Variants in LRBA observed in about 807,000 individuals in gnomAD.
LRBA encodes lipopolysaccharide-responsive and beige-like anchor protein.
In LRBA, 176 loss-of-function variants were observed where a neutral mutation model predicts 330.0. The ratio of observed to expected loss-of-function variants is 0.53; its 90% CI spans 0.47 to 0.60. LRBA has a LOEUF of 0.60. Among genes scored for constraint, LRBA ranks in the 20% least tolerant of loss-of-function variants. The probability of loss-of-function intolerance (pLI) is 0.00; values close to 1 mark genes in which losing one functional copy is unlikely to be tolerated. For missense variants in LRBA, 3,259 were observed against 3,444.8 expected (o/e 0.95, Z 1.35); for synonymous variants, 1,230 against 1,193.0 (o/e 1.03, Z -0.64).
chr4:150,448,375 A>C (rs1752870096), intron 44 of LRBA, among the ~76,000 whole-genome samples: 1 of 152,248 alleles, frequency 6.6e-6, no homozygotes. Context: ...TTTTTGTACT[A>C]ATCAGAGAGC....
chr4:150,780,631 GTATATATATATATA>G (rs201026564), intron 34 of LRBA, among the ~76,000 whole-genome samples: 4 of 136,944 alleles, frequency 2.9e-5, no homozygotes, highest in Non-Finnish European at 6.4e-5. Context: ...ATATATACAC[GTATATATATATATA>G]TGTGTATATA....
chr4:150,829,584 TTG>T (rs1746850109), intron 29 of LRBA, among the ~76,000 whole-genome samples: 1 of 152,188 alleles, frequency 6.6e-6, no homozygotes, highest in South Asian at 2.1e-4. Flanking sequence ...CATTCTCTTT[TTG>T]TTTTCCTTGT....
intron 9 of LRBA, among the ~76,000 whole-genome samples, chr4:150,909,331 T>G (rs756211431): frequency 6.6e-6 from 1 of 152,214 alleles, no homozygotes; most frequent in Non-Finnish European, 1.5e-5. Flanking sequence ...TCTGTTTCTA[T>G]GAGTTGGACT....
chr4:150,984,280 A>G lies in LRBA; in HGVS notation c.216+30147T>C, dbSNP rs566491103. On this transcript the variant is annotated intron_variant, in intron 2 of 56. Coordinates refer to ENST00000651943, the MANE Select transcript of LRBA (RefSeq NM_001364905.1). ...GTAATCCCAGCACTTTGGGAGGCCA[A>G]GGCGGGCGGATCACCTGAGGTCAGG... Among the ~76,000 whole-genome samples, 15 of 152,148 alleles carry G rather than the reference A, an allele frequency of 9.9e-5. No individual in the cohort carries two copies. In the East Asian group the frequency reaches 2.7e-3, roughly 28 times the overall value.
chr4:150,441,716 C>T (rs1324324976), intron 44 of LRBA, among the ~76,000 whole-genome samples: 1 of 151,934 alleles, frequency 6.6e-6, no homozygotes, highest in South Asian at 2.1e-4. Flanking sequence ...TAACCTAGCT[C>T]GAAATCAACA....
At chr4:151,003,554 G>C (rs1359475741) in intron 2 of LRBA, among the ~76,000 whole-genome samples, 1 of 151,992 alleles carries the variant, frequency 6.6e-6, no homozygotes, top group Non-Finnish European at 1.5e-5. Flanking sequence ...CATGGTACTG[G>C]CCTAAAAACA....
intron 29 of LRBA, among the ~76,000 whole-genome samples, chr4:150,829,512 C>G (rs1018621533): frequency 3.3e-5 from 5 of 152,210 alleles, no homozygotes; most frequent in Non-Finnish European, 2.9e-5. Context: ...CTTCACATAA[C>G]AGCAACAGCT....
intron 44 of LRBA, among the ~76,000 whole-genome samples, chr4:150,457,426 C>G (rs976163707): frequency 2.0e-5 from 3 of 151,816 alleles, no homozygotes; most frequent in Admixed American, 1.3e-4. Context: ...ATTATTTGAA[C>G]AAACACATTG....
chr4:150,953,615 G>A (rs144266126), intron 2 of LRBA, among the ~76,000 whole-genome samples: 14 of 152,150 alleles, frequency 9.2e-5, no homozygotes, highest in East Asian at 5.8e-4. Flanking sequence ...CTGCCAGCCC[G>A]GGCCTCCCGA....
At chr4:150,549,252 T>C (rs1380116868) in intron 40 of LRBA, among the ~76,000 whole-genome samples, 2 of 152,020 alleles carry the variant, frequency 1.3e-5, no homozygotes, top group Admixed American at 6.5e-5. Context: ...TCGTACTGAT[T>C]TCTATTTGTA....
chr4:150,817,265 AAAG>A lies in LRBA; in HGVS notation c.5172-11_5172-9del. 1 of 1,610,682 alleles carries A rather than the reference AAAG, an allele frequency of 6.2e-7. No individual in the cohort carries two copies. ...GCTGCAACAATGACACTTCTGTAAT[AAAG>A]AAAGTAAACAGACTGAAAGATACAA... On this transcript the variant is annotated splice_polypyrimidine_tract_variant and intron_variant, in intron 30 of 56. Coordinates refer to ENST00000651943, the MANE Select transcript of LRBA (RefSeq NM_001364905.1).
intron 35 of LRBA, among the ~76,000 whole-genome samples, chr4:150,746,633 C>A (rs1187971071): frequency 6.6e-6 from 1 of 151,610 alleles, no homozygotes; most frequent in Non-Finnish European, 1.5e-5. Context: ...GCCTCAGCCT[C>A]CAGAGTAGCT....
chr4:151,004,124 G>A (rs1343715195), intron 2 of LRBA, among the ~76,000 whole-genome samples: 2 of 152,012 alleles, frequency 1.3e-5, no homozygotes, highest in African/African-American at 2.4e-5. Context: ...TCGCCATGCT[G>A]CCCAACTGGG....
intron 2 of LRBA, among the ~76,000 whole-genome samples, chr4:150,997,646 T>C (rs1482303001): frequency 6.6e-6 from 1 of 152,028 alleles, no homozygotes; most frequent in Non-Finnish European, 1.5e-5. Context: ...TGTGTAGCGG[T>C]TGGGGAAAAA....
chr4:150,865,042 T>C (rs764579843), intron 22 of LRBA, among the ~76,000 whole-genome samples: 17 of 152,306 alleles, frequency 1.1e-4, no homozygotes, highest in South Asian at 1.0e-3. Context: ...TGAACTGACA[T>C]AGATCTGTTA....
chr4:150,270,314 A>G (rs1745895912), intron 56 of LRBA, among the ~76,000 whole-genome samples: 1 of 152,160 alleles, frequency 6.6e-6, no homozygotes, highest in Non-Finnish European at 1.5e-5. Flanking sequence ...GAAACAACCC[A>G]AGTGTCCATC....
chr4:150,784,139 T>A (rs1738671930), intron 34 of LRBA, among the ~76,000 whole-genome samples: 3 of 152,238 alleles, frequency 2.0e-5, no homozygotes, highest in Admixed American at 2.0e-4. Flanking sequence ...CAAGGTGATT[T>A]GATACGTGCA....
intron 36 of LRBA, among the ~76,000 whole-genome samples, chr4:150,732,440 A>G (rs528501192): frequency 6.6e-6 from 1 of 152,092 alleles, no homozygotes; most frequent in South Asian, 2.1e-4. Flanking sequence ...TGCCCATTTC[A>G]TCTCTCTTAT....
At chr4:150,935,254 A>G (rs1200118536) in intron 2 of LRBA, among the ~76,000 whole-genome samples, 2 of 152,044 alleles carry the variant, frequency 1.3e-5, no homozygotes, top group Non-Finnish European at 2.9e-5. Flanking sequence ...CCATGAAAAT[A>G]TATAATATAG....
Sources: allele counts gnomAD v4.1 joint callset (sites outside exome capture counted in the v4.1 genomes callset), GRCh38; gene constraint gnomAD v4.1.1; transcripts MANE v1.5; gene names NCBI Gene and HGNC (gene_info 2026-07-23, HGNC 2026-07-21).